The following GSE1 variants were observed in gnomAD, a reference collection of about 807,000 sequenced individuals.
The protein encoded by GSE1 is Gse1 coiled-coil protein, also known as genetic suppressor element 1.
A neutral mutation model predicts 112.6 loss-of-function variants in GSE1; 32 were observed. The ratio of observed to expected loss-of-function variants is 0.28; its 90% confidence interval spans 0.21 to 0.38. The LOEUF (loss-of-function observed/expected upper bound fraction) is 0.38, where lower values mean the gene tolerates loss of function less well. Ranked by LOEUF, GSE1 falls within the 10% of genes least tolerant of loss-of-function variation. The pLI is 1.00. For missense variants in GSE1, 2,348 were observed against 1,699.2 expected, an observed-to-expected ratio of 1.38 and a Z score of -6.71; for synonymous variants, 1,115 against 735.6, an observed-to-expected ratio of 1.52 and a Z score of -8.35.
At chr16:85,334,947 A>G (rs952644686) in intron 1 of GSE1, among the ~76,000 whole-genome samples, 7 of 152,110 alleles carry the variant, frequency 4.6e-5, no homozygotes, top group Non-Finnish European at 1.0e-4. Flanking sequence ...ACAGCAAGAC[A>G]AGCTTGATTC....
chr16:85,615,995 G>T (rs1020366422), intron 1 of GSE1, among the ~76,000 whole-genome samples: 1 of 152,242 alleles, frequency 6.6e-6, no homozygotes, highest in Non-Finnish European at 1.5e-5. Context: ...CCCTCCAGCA[G>T]TCACTTCCCT....
At chr16:85,200,271 C>T (rs55840020) in intron 1 of GSE1, among the ~76,000 whole-genome samples, 73,245 of 151,744 alleles carry the variant, frequency 0.48, 18,374 homozygotes, top group African/African-American at 0.61. Flanking sequence ...CCTCATAGAA[C>T]CCTTGGATGT....
At chr16:85,416,875 A>G (rs1036669748) in intron 2 of GSE1, among the ~76,000 whole-genome samples, 1 of 151,822 alleles carries the variant, frequency 6.6e-6, no homozygotes, top group Non-Finnish European at 1.5e-5. Flanking sequence ...TTGTTTTTTG[A>G]GGCAGAGTCT....
At chr16:85,555,116 C>T (rs2045135719), upstream of GSE1, 2 of 985,200 alleles carry the variant, frequency 2.0e-6, no homozygotes, top group Non-Finnish European at 2.4e-6. Context: ...CCGCCGCCGC[C>T]GCCGCCTTCA....
chr16:85,310,793 C>T (rs1226166921), intron 1 of GSE1, among the ~76,000 whole-genome samples: 4 of 150,830 alleles, frequency 2.7e-5, no homozygotes, highest in African/African-American at 9.7e-5. Context: ...CCCCCCCACC[C>T]ACCTCCCCAG....
chr16:85,277,288 C>A (rs575071345), intron 1 of GSE1, among the ~76,000 whole-genome samples: 1 of 152,246 alleles, frequency 6.6e-6, no homozygotes, highest in South Asian at 2.1e-4. Context: ...CGGGCCCAGG[C>A]TGGGTCATTT....
chr16:85,286,704 ATT>A (rs569094716), intron 1 of GSE1, among the ~76,000 whole-genome samples: 58 of 140,400 alleles, frequency 4.1e-4, no homozygotes, highest in African/African-American at 1.0e-3. Flanking sequence ...CTGGGTTGGG[ATT>A]TTTTTTTTTT....
chr16:85,420,997 C>T (rs1567472445), intron 2 of GSE1, among the ~76,000 whole-genome samples: 1 of 152,226 alleles, frequency 6.6e-6, no homozygotes, highest in African/African-American at 2.4e-5. Flanking sequence ...CCACGTGACG[C>T]TCTAGGCCTC....
rs554542740 is a variant in GSE1, at chr16:85,626,354, C to T, written c.8-7560C>T. ...CACGTGGTGCCCGTGCAGCCTCAGC[C>T]GCCAGGGTCTGTAGCAGGGTGACCC... On this transcript the variant is annotated intron_variant, in intron 1 of 15. Transcript: ENST00000253458. 4.6e-4 allele frequency among the ~76,000 whole-genome samples: 70 copies of T among 152,364 alleles called. 1 individual carries two copies. The highest frequency in any genetic ancestry group is 1.7e-3 in the East Asian group (9 of 5,182).
In GSE1 at chr16:85,337,594, C is replaced by T. The variant is rs555072386; in HGVS notation, c.2284-19869C>T. On this transcript the variant is annotated intron_variant, in intron 1 of 2. Coordinates refer to the GSE1 transcript ENST00000637419. ...TGCTGGGATTACAGGCGTGAGCCACCGCGCCCGGCCAGGCTCAGGACTTTC... is the reference window on the plus strand; with the variant it reads ...TGCTGGGATTACAGGCGTGAGCCACTGCGCCCGGCCAGGCTCAGGACTTTC... 9.2e-5 allele frequency among the ~76,000 whole-genome samples: 14 copies of T among 152,228 alleles called. No homozygotes were observed. In the South Asian group the frequency reaches 2.3e-3, roughly 25 times the overall value.
At chr16:85,554,973 G>C (rs1468631928), upstream of GSE1, 2 of 985,252 alleles carry the variant, frequency 2.0e-6, no homozygotes, top group Non-Finnish European at 2.4e-6. Context: ...GGCTTCCTGC[G>C]CCCCGCTCCC....
At chr16:85,462,721 G>A (rs2050004600) in intron 2 of GSE1, among the ~76,000 whole-genome samples, 1 of 139,804 alleles carries the variant, frequency 7.2e-6, no homozygotes, top group Admixed American at 6.9e-5. Flanking sequence ...GGCGGGAGGC[G>A]GGAGGCGGCG....
chr16:85,189,093 G>A lies in GSE1; in HGVS notation c.2283+17286G>A, dbSNP rs1010544074. Among the ~76,000 whole-genome samples, 5 of 152,174 alleles carry A rather than the reference G, an allele frequency of 3.3e-5. No homozygotes were observed. In the South Asian group the frequency reaches 6.2e-4, roughly 19 times the overall value. On this transcript the variant is annotated intron_variant, in intron 1 of 2. Transcript: ENST00000637419. ...CACCATTCCTTGAAGAGCCAAGCTT[G>A]TTCCCACCATTAAGTCTTGACACAT...
rs534103030 is a variant in GSE1, at chr16:85,634,184, G to A, written c.226+52G>A. On this transcript the variant is annotated intron_variant, in intron 2 of 15. Transcript: ENST00000253458. ...GGGGGGAGCGGCGGCTCCCGAGGCC[G>A]GGACTCAGCCTCCCGCCTGCGGCGT... The A allele has an allele frequency of 3.9e-5, 49 of 1,264,422 alleles. 1 individual carries two copies. In the South Asian group the frequency reaches 4.2e-4, roughly 11 times the overall value. 78.3% of individuals were successfully genotyped at this position (1,264,422 alleles called of 1,614,324 possible). A position where few individuals can be genotyped will look rare whatever the true frequency, so the allele number is the denominator to read the frequency against.
intron 2 of GSE1, among the ~76,000 whole-genome samples, chr16:85,432,427 G>A (rs1207487550): frequency 6.6e-6 from 1 of 152,236 alleles, no homozygotes; most frequent in Non-Finnish European, 1.5e-5. Flanking sequence ...GGGAGAGAAT[G>A]AGCTTGAAGC....
At chr16:85,523,202 A>T (rs2052248407) in intron 2 of GSE1, among the ~76,000 whole-genome samples, 1 of 146,222 alleles carries the variant, frequency 6.8e-6, no homozygotes, top group Non-Finnish European at 1.5e-5. Flanking sequence ...GTGTGTGTGC[A>T]CGTGTGCCTG....
At chr16:85,346,390 G>A (rs542522007) in intron 1 of GSE1, among the ~76,000 whole-genome samples, 45 of 150,216 alleles carry the variant, frequency 3.0e-4, no homozygotes, top group Middle Eastern at 6.8e-3. Flanking sequence ...GGTGGATGAT[G>A]GATGGATGGA....
Position 85,615,976 on chromosome 16 carries a change from T to C in GSE1, c.7+2578T>C, listed in dbSNP as rs551965799. 2.6e-5 allele frequency among the ~76,000 whole-genome samples: 4 copies of C among 152,352 alleles called. No individual in the cohort carries two copies. The East Asian group carries it at 7.7e-4, about 29-fold the overall frequency. On this transcript the variant is annotated intron_variant, in intron 1 of 15. Coordinates refer to ENST00000253458, the MANE Select transcript of GSE1 (RefSeq NM_014615.5). ...AGGAAGCCTCCTCCGATGGCCCCGA[T>C]GAGCCCTCCCCTCCAGCAGTCACTT... is the stretch of plus-strand genomic sequence containing the variant.
intron 2 of GSE1, among the ~76,000 whole-genome samples, chr16:85,492,928 G>C (rs2051055596): frequency 6.6e-6 from 1 of 152,232 alleles, no homozygotes; most frequent in Non-Finnish European, 1.5e-5. Context: ...GGAGCTTATC[G>C]TCTCTGTGTG....
Sources: allele counts gnomAD v4.1 joint callset (sites outside exome capture counted in the v4.1 genomes callset), GRCh38; gene constraint gnomAD v4.1.1; transcripts MANE v1.5; gene names NCBI Gene and HGNC (gene_info 2026-07-23, HGNC 2026-07-21).